The following KLHL14 variants were observed in gnomAD, a reference collection of about 807,000 sequenced individuals.
KLHL14 encodes kelch like family member 14, also known as kelch-like protein 14.
Under a neutral mutation model 64.3 loss-of-function variants are expected in KLHL14, and 22 were observed. The observed-to-expected ratio is 0.34, with a 90% CI of 0.24 to 0.49. The LOEUF (loss-of-function observed/expected upper bound fraction) is 0.49. Among genes scored for constraint, KLHL14 ranks in the 20% least tolerant of loss-of-function variants. The probability of loss-of-function intolerance (pLI) is 0.99; values close to 1 mark genes in which losing one functional copy is unlikely to be tolerated. For missense variants in KLHL14, 661 were observed against 789.0 expected, an observed-to-expected ratio of 0.84 and a Z score of 1.94; for synonymous variants, 322 against 333.4, an observed-to-expected ratio of 0.97 and a Z score of 0.37.
chr18:32,723,609 C>T (rs1367637780), intron 3 of KLHL14, among the ~76,000 whole-genome samples: 1 of 152,132 alleles, frequency 6.6e-6, no homozygotes, highest in Non-Finnish European at 1.5e-5. Context: ...GTATTGAGGG[C>T]TTAAATTACA....
intron 7 of KLHL14, among the ~76,000 whole-genome samples, chr18:32,679,140 A>T (rs893470659): frequency 3.3e-5 from 5 of 152,164 alleles, no homozygotes; most frequent in Non-Finnish European, 5.9e-5. Context: ...GACATGCACT[A>T]GGCTACTGGC....
At chr18:32,693,218 G>A (rs1015679783) in intron 4 of KLHL14, among the ~76,000 whole-genome samples, 3 of 152,108 alleles carry the variant, frequency 2.0e-5, no homozygotes, top group South Asian at 2.1e-4. Flanking sequence ...CCTGCTTGCC[G>A]CAAGGTGTAA....
rs770737910 is a variant in KLHL14 at position 32,680,295 on chromosome 18, G to C, written c.1462C>G (p.Leu488Val). 1.2e-6 allele frequency: 2 copies of C among 1,613,840 alleles called. No homozygotes were observed. Among genetic ancestry groups the C allele is most frequent in the Non-Finnish European group, 1.7e-6 (2 of 1,179,808 alleles). ...GVHNGEYVPW[L>V]YCYDPVMDVW... ...TCCATTACTGGGTCATAGCAATATAGCCATGGGACATATTCTCCATTGTGT... is the reference window on the plus strand; with the variant it reads ...TCCATTACTGGGTCATAGCAATATACCCATGGGACATATTCTCCATTGTGT... Residue 488 changes from leucine to valine, a missense_variant, in exon 7 of 9, where the codon CTA (leucine) becomes GTA (valine). By Grantham distance (32) the Leu-to-Val change is conservative. Coordinates refer to ENST00000359358, the MANE Select transcript of KLHL14 (RefSeq NM_020805.3). This position sits in a 1 kb window ranked among gnomAD's most constrained non-coding sequence, Gnocchi z 4.8.
intron 3 of KLHL14, among the ~76,000 whole-genome samples, chr18:32,732,879 G>A (rs544501383): frequency 2.0e-5 from 3 of 152,232 alleles, no homozygotes; most frequent in South Asian, 2.1e-4. Flanking sequence ...AAATCACTGG[G>A]TACAACTGTT....
chr18:32,748,329 AATTTTTGTATTTTGT>A lies in KLHL14; in HGVS notation c.948-6295_948-6281del, dbSNP rs569715634. Among the ~76,000 whole-genome samples the A allele has an allele frequency of 6.0e-3, 905 of 150,458 alleles. 11 individuals carry two copies. Among genetic ancestry groups the A allele is most frequent in the African/African-American group, 0.02 (836 of 40,862 alleles). ...TCCCGGGTTCAAGCAATTTCCGGCT[AATTTTTGTATTTTGT>A]ATTTTTGTATTTTGTATTTTGTATT... On this transcript the variant is annotated intron_variant, in intron 2 of 8. Transcript: ENST00000359358.
chr18:32,713,783 A>C (rs1023758246), intron 3 of KLHL14, among the ~76,000 whole-genome samples: 34 of 152,138 alleles, frequency 2.2e-4, no homozygotes, highest in African/African-American at 7.0e-4. Flanking sequence ...GGTATGGCTA[A>C]ACTAATATTT....
rs151221408 is a variant in KLHL14 at position 32,755,106 on chromosome 18, T to C, written c.948-13057A>G. ...TTCCTCTGCTTTTCCTCTCCCTCCT[T>C]GTAGGGAGCCAGTTCTTTCTGTTCT... On this transcript the variant is annotated intron_variant, in intron 2 of 8. Coordinates refer to ENST00000359358, the MANE Select transcript of KLHL14 (RefSeq NM_020805.3). 5.1e-4 allele frequency among the ~76,000 whole-genome samples: 77 copies of C among 152,082 alleles called. No homozygotes were observed. In the East Asian group the frequency reaches 0.01, roughly 21 times the overall value.
chr18:32,766,961 C>T (rs75546774), intron 2 of KLHL14, among the ~76,000 whole-genome samples: 3 of 152,140 alleles, frequency 2.0e-5, no homozygotes, highest in Non-Finnish European at 2.9e-5. Flanking sequence ...TGAAGTTATT[C>T]TATTTGCTTA....
intron 2 of KLHL14, among the ~76,000 whole-genome samples, chr18:32,761,459 G>A (rs950065727): frequency 2.8e-5 from 4 of 141,630 alleles, no homozygotes; most frequent in Non-Finnish European, 4.5e-5. Flanking sequence ...GAGTTTTGCA[G>A]GTGGTCTTCT....
At chr18:32,729,058 G>A (rs1416662826) in intron 3 of KLHL14, among the ~76,000 whole-genome samples, 1 of 152,178 alleles carries the variant, frequency 6.6e-6, no homozygotes, top group African/African-American at 2.4e-5. Flanking sequence ...CCTGGGAAAC[G>A]AATACTACAG....
intron 4 of KLHL14, among the ~76,000 whole-genome samples, chr18:32,692,528 T>C (rs149325051): frequency 7.2e-5 from 11 of 152,356 alleles, no homozygotes; most frequent in Middle Eastern, 6.8e-3. Context: ...AAGACTCTCA[T>C]ATTTTAGAGA....
chr18:32,754,410 G>C (rs2050271540), intron 2 of KLHL14, among the ~76,000 whole-genome samples: 1 of 152,142 alleles, frequency 6.6e-6, no homozygotes, highest in Admixed American at 6.5e-5. Context: ...AAAAAGTGCA[G>C]AAAGACACCA....
chr18:32,705,103 C>A (rs2049983740), intron 3 of KLHL14, among the ~76,000 whole-genome samples: 1 of 152,164 alleles, frequency 6.6e-6, no homozygotes, highest in South Asian at 2.1e-4. Context: ...AAGTGCCAGG[C>A]CTTGGGCAAG....
chr18:32,761,897 T>C (rs569916135), intron 2 of KLHL14, among the ~76,000 whole-genome samples: 1 of 152,212 alleles, frequency 6.6e-6, no homozygotes, highest in African/African-American at 2.4e-5. Flanking sequence ...GTCATGGGCC[T>C]GCATTTAGAA....
At chr18:32,701,787 G>A (rs984109746) in intron 3 of KLHL14, among the ~76,000 whole-genome samples, 4 of 152,168 alleles carry the variant, frequency 2.6e-5, no homozygotes, top group Non-Finnish European at 4.4e-5. Flanking sequence ...ATGGACAGAA[G>A]GGCTATGCTT....
intron 4 of KLHL14, among the ~76,000 whole-genome samples, chr18:32,691,398 T>A (rs1193565165): frequency 6.6e-6 from 1 of 151,384 alleles, no homozygotes; most frequent in Non-Finnish European, 1.5e-5. Context: ...TGCCAAAGAG[T>A]CTGGGTGTGG....
At chr18:32,702,948 G>A (rs1007137525) in intron 3 of KLHL14, among the ~76,000 whole-genome samples, 1 of 152,214 alleles carries the variant, frequency 6.6e-6, no homozygotes, top group Non-Finnish European at 1.5e-5. Context: ...AGAACGAAGA[G>A]AGCTTGTCTC....
At chr18:32,748,643 C>T (rs2050236497) in intron 2 of KLHL14, among the ~76,000 whole-genome samples, 2 of 134,130 alleles carry the variant, frequency 1.5e-5, no homozygotes, top group Non-Finnish European at 3.1e-5. Context: ...CGTGAGCCAC[C>T]GCACCAGGCT....
In KLHL14 at chr18:32,772,135, AGCCGCCGCC is replaced by A. The variant is rs750776770; in HGVS notation, c.-44+523_-44+531del. On this transcript the variant is annotated intron_variant, in intron 1 of 8. Coordinates refer to ENST00000359358, the MANE Select transcript of KLHL14 (RefSeq NM_020805.3). Reference sequence around the variant, plus strand: ...CCGCCGGCCCGCCCGCCCGGGGGAGAGCCGCCGCCGCCGCCCGGCTCGGAGGGATCCCGG... The same window carrying A: ...CCGCCGGCCCGCCCGCCCGGGGGAGAGCCGCCCGGCTCGGAGGGATCCCGG... The A allele has an allele frequency of 1.5e-5, 4 of 260,224 alleles. 1 individual carries two copies. The highest frequency in any genetic ancestry group is 3.1e-5 in the Non-Finnish European group (4 of 130,856). The allele number at this position is 260,224 out of a possible 1,614,324, so 16.1% of individuals were successfully genotyped here. A position where few individuals can be genotyped will look rare whatever the true frequency, so the allele number is the denominator to read the frequency against.
Sources: gnomAD v4.1 joint callset for allele counts (sites outside exome capture counted in the v4.1 genomes callset) on GRCh38, gnomAD v4.1.1 for gene constraint, Gnocchi (gnomAD v3.1) non-coding constraint, MANE v1.5 for transcripts, NCBI Gene and HGNC (gene_info 2026-07-23, HGNC 2026-07-21) for gene names.